The following CSMD1 variants were observed in gnomAD, a reference collection of about 807,000 sequenced individuals.
CSMD1 encodes CUB and Sushi multiple domains 1.
Under a neutral mutation model 417.5 loss-of-function variants are expected in CSMD1, and 213 were observed. The ratio of observed to expected loss-of-function variants is 0.51; its 90% CI spans 0.46 to 0.57. CSMD1 has a LOEUF of 0.57. CSMD1 is among the 20% of genes least tolerant of loss of function. The probability of loss-of-function intolerance (pLI) is 0.00; values close to 1 mark genes in which losing one functional copy is unlikely to be tolerated. For missense variants in CSMD1, 6,923 were observed against 4,529.7 expected, an observed-to-expected ratio of 1.53 and a Z score of -15.17; for synonymous variants, 2,862 against 1,736.8, an observed-to-expected ratio of 1.65 and a Z score of -16.11.
intron 5 of CSMD1, among the ~76,000 whole-genome samples, chr8:3,932,939 A>T (rs1277642850): frequency 6.7e-6 from 1 of 150,306 alleles, no homozygotes; most frequent in Non-Finnish European, 1.5e-5. Flanking sequence ...AATCTTTTTT[A>T]AAAGTGTATG....
intron 17 of CSMD1, among the ~76,000 whole-genome samples, chr8:3,395,404 T>A (rs983413381): frequency 6.6e-6 from 1 of 152,156 alleles, no homozygotes; most frequent in African/African-American, 2.4e-5. Context: ...AATTGGCTAA[T>A]GTTAAAAATG....
chr8:4,750,529 A>G lies in CSMD1; in HGVS notation c.86-112971T>C, dbSNP rs183634589. Among the ~76,000 whole-genome samples, 883 of 152,266 alleles carry G rather than the reference A, an allele frequency of 5.8e-3. 13 individuals carry two copies. Among genetic ancestry groups the G allele is most frequent in the African/African-American group, 0.02 (838 of 41,556 alleles). On this transcript the variant is annotated intron_variant, in intron 1 of 69. Transcript: ENST00000635120. ...TATATTTTAATGTTAAGATTTTCCT[A>G]TATTTTGAAAATTTTATCAGCATAG...
intron 1 of CSMD1, among the ~76,000 whole-genome samples, chr8:4,983,975 G>A (rs986388999): frequency 2.6e-5 from 4 of 152,114 alleles, no homozygotes; most frequent in Non-Finnish European, 5.9e-5. Flanking sequence ...GGGTGTACCT[G>A]GCCTGGCTGA....
chr8:3,428,980 C>G (rs748173780), intron 12 of CSMD1, among the ~76,000 whole-genome samples: 2 of 152,138 alleles, frequency 1.3e-5, no homozygotes, highest in African/African-American at 4.8e-5. Context: ...CGGAGAACCT[C>G]AGAAAACTGA....
intron 54 of CSMD1, among the ~76,000 whole-genome samples, chr8:2,989,892 G>C (rs17078966): frequency 0.016 from 2,435 of 152,256 alleles, 55 homozygotes; most frequent in African/African-American, 0.054. Context: ...CTGGTCGTCT[G>C]CATAGTTATC....
At chr8:3,380,327 G>A (rs1020245889) in intron 18 of CSMD1, among the ~76,000 whole-genome samples, 7 of 152,194 alleles carry the variant, frequency 4.6e-5, no homozygotes, top group Non-Finnish European at 7.3e-5. Flanking sequence ...GGAAGACAGT[G>A]TGGTGATTCC....
At chr8:3,736,704 G>T (rs1030638986) in intron 6 of CSMD1, among the ~76,000 whole-genome samples, 4 of 152,188 alleles carry the variant, frequency 2.6e-5, no homozygotes, top group Non-Finnish European at 4.4e-5. Flanking sequence ...TGGGGATAAG[G>T]ACACACCTGC....
At chr8:4,345,888 G>C (rs564268909) in intron 3 of CSMD1, among the ~76,000 whole-genome samples, 2 of 152,256 alleles carry the variant, frequency 1.3e-5, no homozygotes, top group Non-Finnish European at 2.9e-5. Context: ...GACAGGTGAT[G>C]AGTCTGTGTA....
At chr8:4,780,690 A>G (rs28535972) in intron 1 of CSMD1, among the ~76,000 whole-genome samples, 14,651 of 152,188 alleles carry the variant, frequency 0.096, 928 homozygotes, top group East Asian at 0.33. Context: ...ACACTGCACC[A>G]TGTATGTTGT....
intron 6 of CSMD1, among the ~76,000 whole-genome samples, chr8:3,711,781 T>C (rs151125063): frequency 6.6e-6 from 1 of 152,142 alleles, no homozygotes; most frequent in African/African-American, 2.4e-5. Context: ...TAACTTTATC[T>C]TGAAGTTACT....
intron 3 of CSMD1, among the ~76,000 whole-genome samples, chr8:4,354,866 G>GTGTGTGTGTGTA (rs1801311201): frequency 2.2e-4 from 2 of 9,060 alleles, no homozygotes; most frequent in Non-Finnish European, 3.6e-4. Flanking sequence ...GGAAAATGTA[G>GTGTGTGTGTGTA]TGTGTGTGTG....
intron 46 of CSMD1, among the ~76,000 whole-genome samples, chr8:3,100,281 TG>T (rs1815636692): frequency 6.6e-6 from 1 of 152,166 alleles, no homozygotes; most frequent in Admixed American, 6.5e-5. Context: ...CTCCAACTCC[TG>T]GGCTCAAGCA....
At chr8:3,789,410 T>G (rs1406836494) in intron 5 of CSMD1, among the ~76,000 whole-genome samples, 37 of 1,808 alleles carry the variant, frequency 0.02, no homozygotes, top group East Asian at 0.1. Context: ...TTAAGTAAGT[T>G]TTTTTTTTTT....
intron 7 of CSMD1, among the ~76,000 whole-genome samples, chr8:3,662,849 G>GA: frequency 6.6e-6 from 1 of 152,106 alleles, no homozygotes; most frequent in East Asian, 1.9e-4. Flanking sequence ...TGGGTAGGGG[G>GA]AAAGAGGGGG....
At chr8:3,660,854 T>A (rs1416854029) in intron 7 of CSMD1, among the ~76,000 whole-genome samples, 1 of 152,200 alleles carries the variant, frequency 6.6e-6, no homozygotes, top group East Asian at 1.9e-4. Flanking sequence ...TTAGATCAGA[T>A]TTGGAATTCA....
intron 10 of CSMD1, among the ~76,000 whole-genome samples, chr8:3,552,714 A>G (rs1798971200): frequency 6.6e-6 from 1 of 152,236 alleles, no homozygotes; most frequent in African/African-American, 2.4e-5. Flanking sequence ...TTAGACTACG[A>G]AATTATCTAC....
At position 4,116,613 on chromosome 8, in the gene CSMD1, A is replaced by T. The variant is rs554430639; in HGVS notation, c.416-84514T>A. Among the ~76,000 whole-genome samples, 11 of 143,050 alleles carry T rather than the reference A, an allele frequency of 7.7e-5. No homozygotes were observed. In the South Asian group the frequency reaches 1.2e-3, roughly 16 times the overall value. The allele number at this position is 143,050 out of a possible 152,430, so 93.8% of individuals were successfully genotyped here. Reference sequence around the variant, plus strand: ...GTGATGTATGAGTGCAGGTGCCTGGATGGAACAAACGCGCCATGAATGAAC... The same window carrying T: ...GTGATGTATGAGTGCAGGTGCCTGGTTGGAACAAACGCGCCATGAATGAAC... On this transcript the variant is annotated intron_variant, in intron 3 of 69. Transcript: ENST00000635120.
chr8:4,484,797 G>A (rs1003278074), intron 2 of CSMD1, among the ~76,000 whole-genome samples: 9 of 151,728 alleles, frequency 5.9e-5, no homozygotes, highest in Admixed American at 2.6e-4. Flanking sequence ...GTGAAACCCC[G>A]TCTCTACTAA....
chr8:3,400,563 T>C (rs1322969623), intron 15 of CSMD1, among the ~76,000 whole-genome samples: 1 of 152,030 alleles, frequency 6.6e-6, no homozygotes. Context: ...CAAAAATTTA[T>C]GGAAACTGCA....
Sources: allele counts gnomAD v4.1 joint callset (sites outside exome capture counted in the v4.1 genomes callset), GRCh38; gene constraint gnomAD v4.1.1; transcripts MANE v1.5; gene names NCBI Gene and HGNC (gene_info 2026-07-23, HGNC 2026-07-21).